The following CD163 variants were observed in gnomAD, a reference collection of about 807,000 sequenced individuals.
CD163 encodes scavenger receptor cysteine-rich type 1 protein M130.
CD163 carries 64 observed loss-of-function variants against 129.2 expected under a neutral mutation model. The observed-to-expected ratio is 0.50, with a 90% CI of 0.41 to 0.61. CD163 has a LOEUF of 0.61. CD163 is among the 20% of genes least tolerant of loss of function. The pLI, the probability that CD163 is intolerant of heterozygous loss-of-function variation, is 0.00. For synonymous variants in CD163, 446 were observed against 478.5 expected, an observed-to-expected ratio of 0.93 and a Z score of 0.89; for missense variants, 1,061 against 1,377.9, an observed-to-expected ratio of 0.77 and a Z score of 3.64.
At chr12:7,484,772 A>G (rs866938608) in intron 11 of CD163, among the ~76,000 whole-genome samples, 15 of 152,182 alleles carry the variant, frequency 9.9e-5, no homozygotes, top group South Asian at 2.1e-4. Context: ...GGTAAGGTAG[A>G]CCATTCAACA....
chr12:7,493,819 T>G (rs1949359403), intron 6 of CD163, among the ~76,000 whole-genome samples: 1 of 152,154 alleles, frequency 6.6e-6, no homozygotes, highest in Non-Finnish European at 1.5e-5. Flanking sequence ...AACATTAATT[T>G]TTTAAAATCC....
intron 4 of CD163, 140 bp downstream of exon 4, chr12:7,498,728 T>A (rs772194903): frequency 2.5e-6 from 2 of 802,216 alleles, no homozygotes; most frequent in Non-Finnish European, 3.9e-6. Flanking sequence ...GTATCAGAAC[T>A]GGAACCTGAA....
Position 7,486,566 on chromosome 12 carries a change from C to T in CD163, c.2391G>A (p.Gln797=), listed in dbSNP as rs755530933. ...KCNGKESRIW[Q]CHSHGWGQQN... ...GCTGCCCCCAGCCGTGTGAATGGCA[C>T]TGCCAAATGCGGGATTCTTTTCCAT... Residue 797 remains glutamine, a synonymous_variant, in exon 10 of 17, where the codon CAG becomes CAA. Transcript: ENST00000432237. The T allele has an allele frequency of 6.2e-7, 1 of 1,614,240 alleles. No individual in the cohort carries two copies. Among genetic ancestry groups the T allele is most frequent in the South Asian group, 1.1e-5 (1 of 91,086 alleles).
chr12:7,480,896 C>A, intron 15 of CD163: 1 of 1,095,418 alleles, frequency 9.1e-7, no homozygotes, highest in South Asian at 4.1e-5. Context: ...AAAATGAGGT[C>A]CAAGTCATAA....
At chr12:7,479,943 T>A (rs759813743) in intron 15 of CD163, 30 bp from the exon 16 acceptor site, 2 of 1,612,586 alleles carry the variant, frequency 1.2e-6, no homozygotes, top group African/African-American at 2.7e-5. Context: ...GGAAGAAATT[T>A]AGACACAGAA....
intron 16 of CD163, among the ~76,000 whole-genome samples, chr12:7,472,452 T>C (rs921387053): frequency 6.6e-6 from 1 of 152,086 alleles, no homozygotes. Flanking sequence ...TGGACCTCCA[T>C]CAAACTGCAG....
chr12:7,471,406 A>G lies in CD163; in HGVS notation c.*32-9T>C, dbSNP rs1949000873. 1 of 152,186 alleles carries G rather than the reference A, an allele frequency of 6.6e-6. No homozygotes were observed. Among genetic ancestry groups the G allele is most frequent in the Non-Finnish European group, 1.5e-5 (1 of 68,028 alleles). 9.4% of individuals were successfully genotyped at this position (152,186 alleles called of 1,614,324 possible). ...GTATCTTAAAGGCTGAACTAAAACC[A>G]TAAATAGAAAAATGTCATTTTCCTC... is the stretch of plus-strand genomic sequence containing the variant. On this transcript the variant is annotated splice_polypyrimidine_tract_variant and intron_variant, in intron 16 of 16. Transcript: ENST00000432237.
At chr12:7,473,940 T>C (rs1265631762) in intron 16 of CD163, among the ~76,000 whole-genome samples, 2 of 151,906 alleles carry the variant, frequency 1.3e-5, no homozygotes, top group African/African-American at 2.4e-5. Flanking sequence ...TAGTCTATGA[T>C]AAAATAGACC....
chr12:7,482,741 G>C lies in CD163; in HGVS notation c.3149C>G (p.Ser1050Cys). ...CCCAAGGATCCCGACTGCAATAAAG[G>C]ATGACTGACGGGATGAGCGACCTAA... is the stretch of plus-strand genomic sequence containing the variant. ...ATTGRSSRQS[S>C]FIAVGILGVV... is the part of the protein sequence containing the mutation. The change falls in exon 14 of 17, where the codon TCC becomes TGC. Residue 1050 changes from serine (S) to cysteine (C), a missense_variant. By Grantham distance (112) the Ser-to-Cys change is moderately radical. Transcript: ENST00000432237. 1 of 1,614,098 alleles carries C rather than the reference G, an allele frequency of 6.2e-7. No individual in the cohort carries two copies. The highest frequency in any genetic ancestry group is 8.5e-7 in the Non-Finnish European group (1 of 1,179,974).
chr12:7,482,358 C>A (rs1051544426), intron 14 of CD163, among the ~76,000 whole-genome samples: 3 of 152,010 alleles, frequency 2.0e-5, no homozygotes, highest in African/African-American at 7.2e-5. Flanking sequence ...AATCTTATTC[C>A]CTCTATTTAA....
At chr12:7,481,426 A>G (rs773611365) in intron 14 of CD163, among the ~76,000 whole-genome samples, 170 bp from the exon 15 acceptor site, 14 of 152,174 alleles carry the variant, frequency 9.2e-5, no homozygotes, top group Admixed American at 2.0e-4. Context: ...ACTCAAATGA[A>G]ATAGGCACAA....
rs775082662 is a variant in CD163, at chr12:7,483,485, C to T, written c.2970G>A (p.Pro990=). 39 of 1,614,052 alleles carry T rather than the reference C, an allele frequency of 2.4e-5. No individual in the cohort carries two copies. The highest frequency in any genetic ancestry group is 6.6e-5 in the South Asian group (6 of 91,082). Residue 990 remains proline, a synonymous_variant, in exon 12 of 17, where the codon CCG becomes CCA. Coordinates refer to ENST00000432237, the MANE Select transcript of CD163 (RefSeq NM_203416.4). Reference sequence around the variant, plus strand: ...TGCACTTCACTTCATTGAGCCATATCGGTCCAGTCCCCTGACCAAACTCTG... The same window carrying T: ...TGCACTTCACTTCATTGAGCCATATTGGTCCAGTCCCCTGACCAAACTCTG... ...KEAEFGQGTG[P]IWLNEVKCKG... is the part of the protein sequence containing the mutation.
intron 15 of CD163, chr12:7,480,742 T>C (rs1949151513): frequency 2.4e-6 from 1 of 417,574 alleles, no homozygotes; most frequent in Non-Finnish European, 3.2e-6. Context: ...TGTGTTCATT[T>C]GCTTTGCTTT....
In CD163 at chr12:7,496,829, A is replaced by G. The variant is rs926428709; in HGVS notation, c.1083T>C (p.Ala361=). Residue 361 remains alanine (A), a synonymous_variant, in exon 5 of 17, where the codon GCT becomes GCC. Transcript: ENST00000432237. This position sits in a 1 kb window ranked among gnomAD's most constrained non-coding sequence, Gnocchi z 4.8. ...GKHYCNHNED[A]GVTCSDGSDL... is the part of the protein sequence containing the mutation. ...TTAACTTACCAGAACATGTCACGCC[A>G]GCATCTTCATTGTGATTGCAATAAT... is the stretch of plus-strand genomic sequence containing the variant. 1 of 1,613,970 alleles carries G rather than the reference A, an allele frequency of 6.2e-7. No individual in the cohort carries two copies. The highest frequency in any genetic ancestry group is 1.3e-5 in the African/African-American group (1 of 74,926).
In CD163 at chr12:7,502,524, A is replaced by G; in HGVS notation, c.87T>C (p.Ile29=). The change falls in exon 2 of 17, where the codon ATT becomes ATC. Residue 29 remains isoleucine (I), a synonymous_variant. Transcript: ENST00000432237. ...AGGCACTGAGAAGTAAGACCACAGT[A>G]ATGGTGAAGGGACTCAAGTTGACAA... ...RHFVNLSPFT[I]TVVLLLSACF... 6.2e-7 allele frequency: 1 copy of G among 1,604,934 alleles called. No homozygotes were observed.
chr12:7,498,202 C>T (rs1217268591), intron 4 of CD163, among the ~76,000 whole-genome samples: 1 of 151,778 alleles, frequency 6.6e-6, no homozygotes. Context: ...ATTTTTTACT[C>T]TTATTTTCCT....
intron 4 of CD163, among the ~76,000 whole-genome samples, chr12:7,497,457 A>T (rs895113274): frequency 1.3e-5 from 2 of 152,208 alleles, no homozygotes; most frequent in African/African-American, 4.8e-5. Context: ...TGGTTAAAAT[A>T]TATTTGCATG....
In CD163 at chr12:7,496,544, C is replaced by A. The variant is rs1949404108; in HGVS notation, c.1099+269G>T. Among the ~76,000 whole-genome samples the A allele has an allele frequency of 6.6e-6, 1 of 152,158 alleles. No individual in the cohort carries two copies. Among genetic ancestry groups the A allele is most frequent in the Admixed American group, 6.5e-5 (1 of 15,270 alleles). On this transcript the variant is annotated intron_variant, in intron 5 of 16. Transcript: ENST00000432237. This position sits in a 1 kb window ranked among gnomAD's most constrained non-coding sequence, Gnocchi z 4.8. ...AACAGATTCCTAGGAAATTTTGTCTCTCTGAGCTCCAGGTAGATTCTGAGT... is the reference window on the plus strand; with the variant it reads ...AACAGATTCCTAGGAAATTTTGTCTATCTGAGCTCCAGGTAGATTCTGAGT...
chr12:7,486,053 A>G (rs1949243793), intron 10 of CD163, among the ~76,000 whole-genome samples: 1 of 152,194 alleles, frequency 6.6e-6, no homozygotes, highest in African/African-American at 2.4e-5. Flanking sequence ...TTTTGTTTCT[A>G]TGACAAGTAA....
Sources: gnomAD v4.1 joint callset for allele counts (sites outside exome capture counted in the v4.1 genomes callset) on GRCh38, gnomAD v4.1.1 for gene constraint, Gnocchi (gnomAD v3.1) non-coding constraint, MANE v1.5 for transcripts, NCBI Gene and HGNC (gene_info 2026-07-23, HGNC 2026-07-21) for gene names.